The following RBFOX1 variants were observed in gnomAD, a reference collection of about 807,000 sequenced individuals.
RBFOX1 encodes RNA binding protein fox-1 homolog 1.
In RBFOX1, 8 loss-of-function variants were observed where a neutral mutation model predicts 57.7. That is an observed-to-expected ratio of 0.14 (90% CI 0.08 to 0.25). The LOEUF is 0.25. RBFOX1 is among the 10% of genes least tolerant of loss of function. RBFOX1 has a pLI of 1.00. For missense variants in RBFOX1, 611 were observed against 548.5 expected (o/e 1.11, Z -1.14); for synonymous variants, 326 against 222.4 (o/e 1.47, Z -4.15).
chr16:5,681,335 C>T (rs1422440056), intron 3 of RBFOX1, among the ~76,000 whole-genome samples: 8 of 150,852 alleles, frequency 5.3e-5, no homozygotes, highest in East Asian at 2.0e-4. Flanking sequence ...CCACCCGCCT[C>T]GGCCTCCCAA....
At chr16:6,052,215 C>A (rs2095559356) in intron 1 of RBFOX1, among the ~76,000 whole-genome samples, 1 of 152,116 alleles carries the variant, frequency 6.6e-6, no homozygotes, top group Non-Finnish European at 1.5e-5. Flanking sequence ...TTCTTCCTTC[C>A]ATTTCCTTCA....
At chr16:5,611,719 T>TATCCACCCATCCATCCATCC (rs2047801669) in intron 3 of RBFOX1, among the ~76,000 whole-genome samples, 1 of 114,584 alleles carries the variant, frequency 8.7e-6, no homozygotes, top group East Asian at 2.8e-4. Flanking sequence ...TCCATCCATC[T>TATCCACCCATCCATCCATCC]ATCCATCCAT....
chr16:7,155,144 G>C (rs2076834766), intron 4 of RBFOX1, among the ~76,000 whole-genome samples: 1 of 152,152 alleles, frequency 6.6e-6, no homozygotes, highest in Non-Finnish European at 1.5e-5. Context: ...TCAGCCTACA[G>C]ATTTTTGAAG....
intron 1 of RBFOX1, among the ~76,000 whole-genome samples, chr16:6,292,970 A>G (rs1808501381): frequency 6.6e-6 from 1 of 152,128 alleles, no homozygotes; most frequent in South Asian, 2.1e-4. Context: ...AGGCTAGGAC[A>G]TTGTTGTCCC....
At chr16:6,918,682 C>T (rs952469902) in intron 3 of RBFOX1, among the ~76,000 whole-genome samples, 3 of 152,180 alleles carry the variant, frequency 2.0e-5, no homozygotes, top group African/African-American at 7.2e-5. Context: ...GGGCATATCT[C>T]TGGTCGTTTC....
intron 3 of RBFOX1, among the ~76,000 whole-genome samples, chr16:6,663,776 A>G (rs8053669): frequency 0.63 from 96,023 of 152,012 alleles, 30,911 homozygotes; most frequent in African/African-American, 0.74. Flanking sequence ...CATCCCTGAG[A>G]AAGGGTATTT....
chr16:5,658,604 T>G (rs969050106), intron 3 of RBFOX1, among the ~76,000 whole-genome samples: 8 of 152,000 alleles, frequency 5.3e-5, no homozygotes, highest in African/African-American at 1.7e-4. Context: ...GAAGATACTA[T>G]GTTTGGTTTT....
chr16:6,478,798 G>A (rs2095325430), intron 2 of RBFOX1, among the ~76,000 whole-genome samples: 1 of 152,038 alleles, frequency 6.6e-6, no homozygotes, highest in Non-Finnish European at 1.5e-5. Flanking sequence ...TCAATTAAGT[G>A]TGCCATCTTA....
At chr16:5,385,221 C>T (rs1653779178) in intron 1 of RBFOX1, among the ~76,000 whole-genome samples, 1 of 152,188 alleles carries the variant, frequency 6.6e-6, no homozygotes, top group Admixed American at 6.5e-5. Flanking sequence ...TGGAAAGTGG[C>T]AAGGCCAGGA....
intron 2 of RBFOX1, among the ~76,000 whole-genome samples, chr16:6,361,270 A>T (rs1045420174): frequency 5.9e-5 from 9 of 152,118 alleles, no homozygotes; most frequent in African/African-American, 1.2e-4. Context: ...AGCAGGGCAA[A>T]TTTGGGGAAA....
intron 1 of RBFOX1, among the ~76,000 whole-genome samples, chr16:5,374,824 A>C (rs1425460087): frequency 6.6e-6 from 1 of 151,956 alleles, no homozygotes; most frequent in Non-Finnish European, 1.5e-5. Flanking sequence ...TGAAGTTTTG[A>C]ATTCTACCAA....
chr16:7,274,479 G>A (rs1003713702), intron 4 of RBFOX1, among the ~76,000 whole-genome samples: 4 of 152,004 alleles, frequency 2.6e-5, no homozygotes, highest in South Asian at 2.1e-4. Context: ...TTCCTTCTTA[G>A]CTTGGAGAAT....
chr16:7,310,122 C>T (rs117186704), intron 4 of RBFOX1, among the ~76,000 whole-genome samples: 1 of 152,176 alleles, frequency 6.6e-6, no homozygotes, highest in African/African-American at 2.4e-5. Flanking sequence ...CCCAGAAGAG[C>T]CCTGGCCCTG....
intron 3 of RBFOX1, among the ~76,000 whole-genome samples, chr16:5,697,428 A>G (rs1457672000): frequency 1.3e-5 from 2 of 151,000 alleles, no homozygotes; most frequent in Non-Finnish European, 2.9e-5. Context: ...ATATATGTTT[A>G]TATATTATGT....
intron 2 of RBFOX1, among the ~76,000 whole-genome samples, chr16:6,601,694 A>G (rs900902234): frequency 3.9e-5 from 6 of 152,126 alleles, no homozygotes; most frequent in Non-Finnish European, 7.4e-5. Flanking sequence ...GATCTGTAGG[A>G]GAGGCTTCAT....
At chr16:5,677,893 G>A (rs1282308464) in intron 3 of RBFOX1, among the ~76,000 whole-genome samples, 6 of 151,748 alleles carry the variant, frequency 4.0e-5, no homozygotes, top group Non-Finnish European at 7.4e-5. Context: ...AGTGAGGGAG[G>A]CAGGTCTTCA....
intron 3 of RBFOX1, among the ~76,000 whole-genome samples, chr16:5,662,136 T>G (rs952307625): frequency 6.6e-5 from 10 of 152,194 alleles, no homozygotes; most frequent in Non-Finnish European, 1.5e-4. Context: ...GACAAACATC[T>G]TTCCATTTTC....
intron 4 of RBFOX1, among the ~76,000 whole-genome samples, chr16:7,405,827 C>T (rs997713248): frequency 2.6e-5 from 4 of 152,088 alleles, no homozygotes; most frequent in Non-Finnish European, 5.9e-5. Context: ...TCCACTCTTC[C>T]ATACCTGGAG....
chr16:7,330,066 C>G (rs1180865733), intron 4 of RBFOX1, among the ~76,000 whole-genome samples: 1 of 152,020 alleles, frequency 6.6e-6, no homozygotes. Flanking sequence ...ATAATATAAT[C>G]TGATGTGACC....
Sources: gnomAD v4.1 joint callset for allele counts (sites outside exome capture counted in the v4.1 genomes callset) on GRCh38, gnomAD v4.1.1 for gene constraint, MANE v1.5 for transcripts, NCBI Gene and HGNC (gene_info 2026-07-23, HGNC 2026-07-21) for gene names.